Variants in CRTAC1 observed in about 807,000 individuals in gnomAD.
The protein encoded by CRTAC1 is acidic secreted protein in cartilage.
A neutral mutation model predicts 67.8 loss-of-function variants in CRTAC1; 37 were observed. That is an observed-to-expected ratio of 0.55 (90% CI 0.42 to 0.72). The LOEUF (loss-of-function observed/expected upper bound fraction) is 0.72. CRTAC1 is among the 30% of genes least tolerant of loss of function. CRTAC1 has a pLI of 0.00. For missense variants in CRTAC1, 780 were observed against 931.6 expected (o/e 0.84, Z 2.12); for synonymous variants, 348 against 371.0 (o/e 0.94, Z 0.71).
intron 2 of CRTAC1, among the ~76,000 whole-genome samples, chr10:97,939,714 C>T (rs1321449037): frequency 6.6e-6 from 1 of 152,102 alleles, no homozygotes; most frequent in Non-Finnish European, 1.5e-5. Flanking sequence ...TCACCATCCC[C>T]TGAGTGTGCT....
intron 14 of CRTAC1, among the ~76,000 whole-genome samples, chr10:97,875,379 TG>T (rs1368925689): frequency 1.3e-5 from 2 of 152,258 alleles, no homozygotes; most frequent in African/African-American, 4.8e-5. Flanking sequence ...TCTTCTCTCT[TG>T]CGTCTCATTT....
At chr10:97,876,945 G>GTTTTTTT (rs71007368) in intron 14 of CRTAC1, among the ~76,000 whole-genome samples, 2 of 53,430 alleles carry the variant, frequency 3.7e-5, no homozygotes, top group Non-Finnish European at 3.1e-5. Context: ...AGGAGGCTCT[G>GTTTTTTT]TTTTTTTTTT....
At chr10:97,878,817 G>A (rs1375082987) in intron 14 of CRTAC1, 6 of 771,702 alleles carry the variant, frequency 7.8e-6, no homozygotes, top group Non-Finnish European at 1.1e-5. Flanking sequence ...GGGAAACTGA[G>A]GCACAGCATG....
chr10:97,981,208 G>T (rs574117353), intron 2 of CRTAC1, among the ~76,000 whole-genome samples: 1 of 152,072 alleles, frequency 6.6e-6, no homozygotes, highest in South Asian at 2.1e-4. Flanking sequence ...AGTCTTTCCT[G>T]ATTATAAAAA....
intron 2 of CRTAC1, among the ~76,000 whole-genome samples, chr10:97,988,952 G>A (rs2052029417): frequency 6.6e-6 from 1 of 152,216 alleles, no homozygotes. Flanking sequence ...ACTCAGTAAA[G>A]TAGATTGCCC....
chr10:97,999,187 C>T (rs564504909), intron 2 of CRTAC1, among the ~76,000 whole-genome samples: 1 of 152,310 alleles, frequency 6.6e-6, no homozygotes, highest in Admixed American at 6.5e-5. Context: ...TGACCCAGGA[C>T]TCCCACGCAG....
At chr10:97,882,196 G>A (rs904660268) in intron 13 of CRTAC1, among the ~76,000 whole-genome samples, 1 of 152,218 alleles carries the variant, frequency 6.6e-6, no homozygotes, top group African/African-American at 2.4e-5. Flanking sequence ...GATGGAAAGT[G>A]TTGGGGGTGA....
chr10:97,962,701 G>A (rs548841227), intron 2 of CRTAC1, among the ~76,000 whole-genome samples: 88 of 152,152 alleles, frequency 5.8e-4, no homozygotes, highest in African/African-American at 2.0e-3. Flanking sequence ...GCGGTCTTTC[G>A]GTACAGAAAA....
chr10:98,009,497 C>G (rs549606007), intron 2 of CRTAC1, among the ~76,000 whole-genome samples: 47 of 152,358 alleles, frequency 3.1e-4, no homozygotes, highest in East Asian at 7.7e-4. Context: ...ACCGCCATGA[C>G]TACCCCGTGA....
intron 12 of CRTAC1, 120 bp downstream of exon 12, chr10:97,884,086 G>C (rs2050248691): frequency 2.5e-6 from 3 of 1,198,990 alleles, no homozygotes; most frequent in African/African-American, 1.5e-5. Flanking sequence ...CCTTCGCTTT[G>C]CCAAGATTTC....
intron 2 of CRTAC1, among the ~76,000 whole-genome samples, chr10:97,983,360 G>A (rs896104238): frequency 6.6e-6 from 1 of 151,880 alleles, no homozygotes; most frequent in Non-Finnish European, 1.5e-5. Flanking sequence ...GACAGTTAAA[G>A]CCAAGACATC....
Position 97,870,512 on chromosome 10 carries a change from G to T in CRTAC1, c.1820-4798C>A, listed in dbSNP as rs144411478. 3.3e-4 allele frequency: 50 copies of T among 152,250 alleles called. 1 individual carries two copies. In the East Asian group the frequency reaches 7.7e-3, roughly 24 times the overall value. The allele number at this position is 152,250 out of a possible 1,614,324, so 9.4% of individuals were successfully genotyped here. The stretch of plus-strand genomic sequence containing the variant: ...CTCAGGATGTTCTGTTTCTTGATCA[G>T]AGTGCCAGTTACACGGGGTGCTCAC... On this transcript the variant is annotated intron_variant, in intron 14 of 14. Coordinates refer to ENST00000370597, the MANE Select transcript of CRTAC1 (RefSeq NM_018058.7).
rs568925902 is a variant in CRTAC1 at position 97,999,213 on chromosome 10, C to T, written c.224+11925G>A. Among the ~76,000 whole-genome samples the T allele has an allele frequency of 7.2e-5, 11 of 152,338 alleles. No homozygotes were observed. The South Asian group carries it at 1.5e-3, about 20-fold the overall frequency. ...TCCCACGCAGGGGAGAAGGCATGAGCCCCACCATCCTGGGCACAGCTGCAG... is the reference window on the plus strand; with the variant it reads ...TCCCACGCAGGGGAGAAGGCATGAGTCCCACCATCCTGGGCACAGCTGCAG... On this transcript the variant is annotated intron_variant, in intron 2 of 14. Coordinates refer to ENST00000370597, the MANE Select transcript of CRTAC1 (RefSeq NM_018058.7).
At chr10:98,002,126 G>A (rs149656202) in intron 2 of CRTAC1, among the ~76,000 whole-genome samples, 5 of 152,204 alleles carry the variant, frequency 3.3e-5, no homozygotes, top group Non-Finnish European at 5.9e-5. Flanking sequence ...CCAGCCCACC[G>A]CTTAAAAAAA....
intron 2 of CRTAC1, among the ~76,000 whole-genome samples, chr10:97,997,477 T>C (rs964955184): frequency 7.2e-6 from 1 of 138,556 alleles, no homozygotes; most frequent in African/African-American, 2.7e-5. Flanking sequence ...AAAAAAAAAG[T>C]GTTTTCAATT....
chr10:97,887,330 C>T (rs1268086845), intron 11 of CRTAC1, among the ~76,000 whole-genome samples: 1 of 151,728 alleles, frequency 6.6e-6, no homozygotes, highest in East Asian at 1.9e-4. Flanking sequence ...CAACCTCCGC[C>T]TCCCAGGTTC....
At chr10:97,910,590 G>A (rs761321496) in intron 5 of CRTAC1, among the ~76,000 whole-genome samples, 2 of 152,236 alleles carry the variant, frequency 1.3e-5, no homozygotes, top group Non-Finnish European at 2.9e-5. Flanking sequence ...AAGTACACCT[G>A]TGTAAAGAAA....
At chr10:97,904,044 T>C (rs920058689) in intron 7 of CRTAC1, among the ~76,000 whole-genome samples, 5 of 150,044 alleles carry the variant, frequency 3.3e-5, no homozygotes, top group Non-Finnish European at 7.4e-5. Flanking sequence ...CCATCCTGTA[T>C]CCCCTGCACA....
chr10:97,893,845 C>T (rs2050412870), intron 11 of CRTAC1, among the ~76,000 whole-genome samples: 1 of 152,156 alleles, frequency 6.6e-6, no homozygotes, highest in South Asian at 2.1e-4. Context: ...AAAAATCTAC[C>T]ATACGTGACT....
Sources: gnomAD v4.1 joint callset for allele counts (sites outside exome capture counted in the v4.1 genomes callset) on GRCh38, gnomAD v4.1.1 for gene constraint, MANE v1.5 for transcripts, NCBI Gene and HGNC (gene_info 2026-07-23, HGNC 2026-07-21) for gene names.